The following LDB2 variants were observed in gnomAD, a reference collection of about 807,000 sequenced individuals.
The protein encoded by LDB2 is LIM domain binding 2.
A neutral mutation model predicts 44.3 loss-of-function variants in LDB2; 12 were observed. The ratio of observed to expected loss-of-function variants is 0.27; its 90% CI spans 0.17 to 0.44. The LOEUF is 0.44. LDB2 is among the 20% of genes least tolerant of loss of function. The pLI is 1.00. For synonymous variants in LDB2, 164 were observed against 174.8 expected (o/e 0.94, Z 0.49); for missense variants, 344 against 473.5 (o/e 0.73, Z 2.54).
chr4:16,677,682 T>C (rs1402069383), intron 2 of LDB2, among the ~76,000 whole-genome samples: 1 of 152,224 alleles, frequency 6.6e-6, no homozygotes, highest in Non-Finnish European at 1.5e-5. Context: ...TTCCATGTAA[T>C]TAAGGCACTC....
intron 2 of LDB2, among the ~76,000 whole-genome samples, chr4:16,731,921 C>T (rs1400687962): frequency 6.6e-6 from 1 of 152,136 alleles, no homozygotes; most frequent in African/African-American, 2.4e-5. Context: ...TGAGGCAAAT[C>T]CACCACCTTT....
At chr4:16,527,358 T>C (rs1728591232) in intron 5 of LDB2, among the ~76,000 whole-genome samples, 1 of 152,172 alleles carries the variant, frequency 6.6e-6, no homozygotes. Flanking sequence ...GCAAAAGTAA[T>C]TGAGGTTTTT....
rs1376916471 is a variant in LDB2 at position 16,588,766 on chromosome 4, G to T, written c.475C>A (p.His159Asn). Residue 159 changes from histidine to asparagine, a missense_variant, in exon 4 of 8, where the codon CAC becomes AAC. By Grantham distance (68) the His-to-Asn change is moderately conservative. Transcript: ENST00000304523. Reference protein sequence around the residue: ...FDDLMRIKTWHFTIRQYRELV... With the variant: ...FDDLMRIKTWNFTIRQYRELV... ...TCTCGGTATTGTCTAATGGTAAAGT[G>T]CCATGTTTTGATTCTCATGAGATCA... 1 of 1,613,644 alleles carries T rather than the reference G, an allele frequency of 6.2e-7. No homozygotes were observed. The highest frequency in any genetic ancestry group is 2.2e-5 in the East Asian group (1 of 44,874).
At chr4:16,559,303 C>T (rs997642506) in intron 5 of LDB2, among the ~76,000 whole-genome samples, 1 of 152,138 alleles carries the variant, frequency 6.6e-6, no homozygotes, top group Non-Finnish European at 1.5e-5. Flanking sequence ...CATCAGTGTG[C>T]TGTATTTAGG....
intron 5 of LDB2, among the ~76,000 whole-genome samples, chr4:16,536,427 G>A (rs1209987514): frequency 1.3e-5 from 2 of 152,218 alleles, no homozygotes; most frequent in Non-Finnish European, 2.9e-5. Context: ...CCAGCATGCT[G>A]TGCTGCTGGT....
intron 1 of LDB2, among the ~76,000 whole-genome samples, chr4:16,778,097 T>G (rs1772355580): frequency 6.6e-6 from 1 of 152,110 alleles, no homozygotes; most frequent in Non-Finnish European, 1.5e-5. Flanking sequence ...ATATTCTCCA[T>G]CAGTAGTCCT....
intron 5 of LDB2, among the ~76,000 whole-genome samples, chr4:16,550,415 G>C (rs531139939): frequency 7.7e-4 from 117 of 152,314 alleles, no homozygotes; most frequent in Non-Finnish European, 1.5e-3. Flanking sequence ...TACCTAAAAT[G>C]ATGACATTTG....
intron 1 of LDB2, among the ~76,000 whole-genome samples, chr4:16,791,478 G>A (rs138917985): frequency 0.014 from 2,090 of 148,286 alleles, 42 homozygotes; most frequent in African/African-American, 0.043. Flanking sequence ...TTGCTTGAAC[G>A]GGGGAGGCGG....
At chr4:16,619,973 G>C (rs1412073279) in intron 2 of LDB2, among the ~76,000 whole-genome samples, 1 of 152,070 alleles carries the variant, frequency 6.6e-6, no homozygotes, top group African/African-American at 2.4e-5. Context: ...CTATGGAAAG[G>C]ATTCTAAATG....
chr4:16,777,782 T>C (rs1772271709), intron 1 of LDB2, among the ~76,000 whole-genome samples: 1 of 152,218 alleles, frequency 6.6e-6, no homozygotes, highest in South Asian at 2.1e-4. Flanking sequence ...AATGAGATCA[T>C]ATGTGCAGAG....
intron 2 of LDB2, among the ~76,000 whole-genome samples, chr4:16,665,873 G>A (rs1287109229): frequency 6.6e-6 from 1 of 152,202 alleles, no homozygotes; most frequent in African/African-American, 2.4e-5. Context: ...AGGGAAAACA[G>A]ATAAAGACAC....
chr4:16,574,232 T>C (rs111908710), intron 5 of LDB2, among the ~76,000 whole-genome samples: 39 of 152,326 alleles, frequency 2.6e-4, no homozygotes, highest in African/African-American at 8.9e-4. Context: ...TCACACTCAG[T>C]TGATGATACA....
chr4:16,890,177 G>A (rs180676011), intron 1 of LDB2, among the ~76,000 whole-genome samples: 32 of 152,336 alleles, frequency 2.1e-4, no homozygotes, highest in African/African-American at 5.3e-4. Flanking sequence ...TGAACACTTG[G>A]TAGCAGATAA....
At chr4:16,594,529 T>C (rs1327758932) in intron 3 of LDB2, among the ~76,000 whole-genome samples, 1 of 152,234 alleles carries the variant, frequency 6.6e-6, no homozygotes, top group Non-Finnish European at 1.5e-5. Flanking sequence ...AAAATTAAGA[T>C]GCCGTAGAAT....
At chr4:16,527,053 TTAA>T (rs1490956120) in intron 5 of LDB2, among the ~76,000 whole-genome samples, 1 of 152,242 alleles carries the variant, frequency 6.6e-6, no homozygotes, top group Admixed American at 6.5e-5. Flanking sequence ...TAATACATTA[TTAA>T]TAACTTATTT....
At chr4:16,563,431 T>A in intron 5 of LDB2, among the ~76,000 whole-genome samples, 1 of 25,656 alleles carries the variant, frequency 3.9e-5, no homozygotes, top group African/African-American at 2.1e-4. Flanking sequence ...GTCATCAGAT[T>A]TTTTTTTTTT....
At chr4:16,574,274 TAACAAC>T (rs1747601751) in intron 5 of LDB2, among the ~76,000 whole-genome samples, 1 of 152,132 alleles carries the variant, frequency 6.6e-6, no homozygotes, top group Non-Finnish European at 1.5e-5. Flanking sequence ...TACTTAACAA[TAACAAC>T]AACAAATAGC....
At chr4:16,737,380 C>T (rs993457337) in intron 2 of LDB2, among the ~76,000 whole-genome samples, 2 of 151,956 alleles carry the variant, frequency 1.3e-5, no homozygotes, top group Non-Finnish European at 1.5e-5. Context: ...AGGCATCAGC[C>T]CCCACTCCTG....
At chr4:16,827,242 C>T (rs1783224822) in intron 1 of LDB2, among the ~76,000 whole-genome samples, 1 of 152,090 alleles carries the variant, frequency 6.6e-6, no homozygotes, top group Non-Finnish European at 1.5e-5. Context: ...CCACTCGGGG[C>T]AGCATTGCAG....
Sources: gnomAD v4.1 joint callset for allele counts (sites outside exome capture counted in the v4.1 genomes callset) on GRCh38, gnomAD v4.1.1 for gene constraint, MANE v1.5 for transcripts, NCBI Gene and HGNC (gene_info 2026-07-23, HGNC 2026-07-21) for gene names.